Variants in GALNT13 observed in about 807,000 individuals in gnomAD.
GALNT13 encodes polypeptide N-acetylgalactosaminyltransferase 13, also known as UDP-GalNAc:polypeptide N-acetylgalactosaminyltransferase 13.
Under a neutral mutation model 64.2 loss-of-function variants are expected in GALNT13, and 28 were observed. The observed-to-expected ratio is 0.44, with a 90% CI of 0.32 to 0.60. The LOEUF (loss-of-function observed/expected upper bound fraction) is 0.60, where lower values mean the gene tolerates loss of function less well. GALNT13 is among the 20% of genes least tolerant of loss of function. The probability of loss-of-function intolerance (pLI) is 0.05; values close to 1 mark genes in which losing one functional copy is unlikely to be tolerated. For missense variants in GALNT13, 577 were observed against 669.8 expected, an observed-to-expected ratio of 0.86 and a Z score of 1.53; for synonymous variants, 214 against 224.6, an observed-to-expected ratio of 0.95 and a Z score of 0.42.
At chr2:154,298,608 T>TAATTTATATATACATTGTATATA (rs1190599505) in intron 8 of GALNT13, among the ~76,000 whole-genome samples, 870 of 3,816 alleles carry the variant, frequency 0.23, 247 homozygotes, top group East Asian at 0.3. Context: ...AATGTATATA[T>TAATTTATATATACATTGTATATA]TAATTTATAT....
At chr2:153,896,567 T>G (rs1350463270) in intron 1 of GALNT13, among the ~76,000 whole-genome samples, 1 of 152,034 alleles carries the variant, frequency 6.6e-6, no homozygotes, top group Non-Finnish European at 1.5e-5. Context: ...TTTTAACCTT[T>G]ACTTTTTTTC....
chr2:153,744,210 A>C, the GALNT13 span, among the ~76,000 whole-genome samples: 3 of 152,058 alleles, frequency 2.0e-5, no homozygotes, highest in African/African-American at 4.8e-5. Flanking sequence ...AGATTGCTGG[A>C]TCATATGGTA....
At chr2:154,104,205 G>T (rs1355463822) in intron 3 of GALNT13, among the ~76,000 whole-genome samples, 1 of 151,858 alleles carries the variant, frequency 6.6e-6, no homozygotes, top group Non-Finnish European at 1.5e-5. Flanking sequence ...CCATGGGGGT[G>T]GGGGGATGGT....
chr2:153,533,263 TC>T, the GALNT13 span, among the ~76,000 whole-genome samples: 39 of 152,256 alleles, frequency 2.6e-4, 1 homozygote, highest in South Asian at 2.1e-4. Context: ...GGGTTTTTTT[TC>T]TTTTTCAATG....
At chr2:153,646,455 T>TTATA in the GALNT13 span, among the ~76,000 whole-genome samples, 89 of 148,026 alleles carry the variant, frequency 6.0e-4, no homozygotes, top group Non-Finnish European at 6.6e-4. Flanking sequence ...TTTTTTTCTT[T>TTATA]TATATATATA....
chr2:153,986,626 G>A (rs767791684), intron 3 of GALNT13, among the ~76,000 whole-genome samples: 6 of 151,786 alleles, frequency 4.0e-5, no homozygotes, highest in South Asian at 2.1e-4. Flanking sequence ...CCCGATCACC[G>A]TGACAAGATT....
intron 9 of GALNT13, among the ~76,000 whole-genome samples, chr2:154,341,448 T>A (rs1339801693): frequency 6.6e-6 from 1 of 152,078 alleles, no homozygotes; most frequent in Non-Finnish European, 1.5e-5. Context: ...AGATCCATAA[T>A]CAGGGAAGGC....
At chr2:153,912,213 T>C (rs1688990535) in intron 2 of GALNT13, among the ~76,000 whole-genome samples, 1 of 152,226 alleles carries the variant, frequency 6.6e-6, no homozygotes, top group Non-Finnish European at 1.5e-5. Flanking sequence ...TACTTGCTAT[T>C]GCGTTATGAA....
chr2:153,631,403 T>C, the GALNT13 span, among the ~76,000 whole-genome samples: 2 of 152,334 alleles, frequency 1.3e-5, no homozygotes, highest in African/African-American at 2.4e-5. Context: ...TCCACAATGG[T>C]TGAACTAGTT....
chr2:153,964,736 A>T (rs1397156382), intron 3 of GALNT13, among the ~76,000 whole-genome samples: 4 of 152,012 alleles, frequency 2.6e-5, no homozygotes, highest in African/African-American at 9.6e-5. Flanking sequence ...TATTCATTGT[A>T]GAAAAAAATA....
At chr2:153,418,893 G>C in the GALNT13 span, among the ~76,000 whole-genome samples, 51,053 of 151,960 alleles carry the variant, frequency 0.34, 8,845 homozygotes, top group Middle Eastern at 0.48. Flanking sequence ...AAATAAGGGA[G>C]AGTGGAAGGA....
At chr2:153,477,821 T>C in the GALNT13 span, 1 of 186,444 alleles carries the variant, frequency 5.4e-6, no homozygotes. Flanking sequence ...GCTGCGTGGC[T>C]TTTAACAGGT....
chr2:153,833,688 T>C, the GALNT13 span, among the ~76,000 whole-genome samples: 27,062 of 152,144 alleles, frequency 0.18, 2,947 homozygotes, highest in Admixed American at 0.36. Flanking sequence ...TTGAAATGAA[T>C]CTTTCATAGA....
At chr2:153,982,165 C>A (rs966877645) in intron 3 of GALNT13, among the ~76,000 whole-genome samples, 1 of 151,960 alleles carries the variant, frequency 6.6e-6, no homozygotes, top group Non-Finnish European at 1.5e-5. Flanking sequence ...AAACACAGTA[C>A]CAACATTTAT....
intron 3 of GALNT13, among the ~76,000 whole-genome samples, chr2:154,048,735 C>T (rs1699414956): frequency 6.6e-6 from 1 of 152,004 alleles, no homozygotes; most frequent in Non-Finnish European, 1.5e-5. Context: ...TTAGAGATAA[C>T]TCAGATGTTA....
At chr2:153,275,453 T>G in the GALNT13 span, among the ~76,000 whole-genome samples, 1 of 152,154 alleles carries the variant, frequency 6.6e-6, no homozygotes, top group Non-Finnish European at 1.5e-5. Context: ...TCCATCCCTT[T>G]TTGCCCTACT....
At chr2:154,363,198 C>T (rs1697173849) in intron 9 of GALNT13, among the ~76,000 whole-genome samples, 1 of 152,114 alleles carries the variant, frequency 6.6e-6, no homozygotes, top group Admixed American at 6.6e-5. Flanking sequence ...GCTTGGTAAG[C>T]CAGATGTACG....
At chr2:153,189,934 C>T in the GALNT13 span, among the ~76,000 whole-genome samples, 2 of 151,858 alleles carry the variant, frequency 1.3e-5, no homozygotes, top group African/African-American at 4.8e-5. Context: ...ATTATTTGTC[C>T]AATTTTTAAT....
chr2:153,978,757 T>C (rs1694247573), intron 3 of GALNT13, among the ~76,000 whole-genome samples: 2 of 152,170 alleles, frequency 1.3e-5, no homozygotes, highest in Non-Finnish European at 1.5e-5. Flanking sequence ...GATGGACTAA[T>C]AAAATATCTT....
Sources: gnomAD v4.1 joint callset for allele counts (sites outside exome capture counted in the v4.1 genomes callset) on GRCh38, gnomAD v4.1.1 for gene constraint, MANE v1.5 for transcripts, NCBI Gene and HGNC (gene_info 2026-07-23, HGNC 2026-07-21) for gene names.